VIT: variants seen among roughly 807,000 people sequenced by gnomAD.
VIT encodes the protein vitrin.
Under a neutral mutation model 78.0 loss-of-function variants are expected in VIT, and 99 were observed. The ratio of observed to expected loss-of-function variants is 1.27; its 90% CI spans 1.08 to 1.50. VIT has a LOEUF of 1.50. VIT is among the 40% of genes most tolerant of loss of function. The pLI is 0.00. For missense variants in VIT, 1,126 were observed against 875.3 expected, an observed-to-expected ratio of 1.29 and a Z score of -3.61; for synonymous variants, 374 against 334.3, an observed-to-expected ratio of 1.12 and a Z score of -1.29.
chr2:36,747,520 T>C (rs1022788692), intron 4 of VIT, among the ~76,000 whole-genome samples: 2 of 152,232 alleles, frequency 1.3e-5, no homozygotes, highest in African/African-American at 2.4e-5. Flanking sequence ...TCTTGTTGAA[T>C]TGAACTCTTT....
chr2:36,725,381 G>C (rs1056691367), intron 2 of VIT, among the ~76,000 whole-genome samples: 2 of 152,148 alleles, frequency 1.3e-5, no homozygotes, highest in Non-Finnish European at 2.9e-5. Context: ...GATGGATTCA[G>C]AGTCTGGTCA....
intron 1 of VIT, among the ~76,000 whole-genome samples, chr2:36,706,347 T>C (rs1665418502): frequency 1.3e-5 from 2 of 152,206 alleles, no homozygotes; most frequent in African/African-American, 4.8e-5. Flanking sequence ...AGGGTTTTAA[T>C]TAAAGCTGCA....
At chr2:36,744,788 G>T (rs1203441363) in intron 4 of VIT, among the ~76,000 whole-genome samples, 2 of 151,948 alleles carry the variant, frequency 1.3e-5, no homozygotes, top group South Asian at 4.2e-4. Context: ...CCACTGATAG[G>T]TTCTTTTGCT....
chr2:36,744,561 T>G (rs2148520335), intron 4 of VIT, among the ~76,000 whole-genome samples: 1 of 152,332 alleles, frequency 6.6e-6, no homozygotes, highest in South Asian at 2.1e-4. Context: ...GACTTGCATT[T>G]CTCTGATGAT....
intron 12 of VIT, chr2:36,787,725 G>A (rs1665203749): frequency 4.9e-6 from 2 of 408,450 alleles, no homozygotes; most frequent in Middle Eastern, 7.1e-4. Flanking sequence ...TCCACCTATA[G>A]GTTAGACGCC....
At chr2:36,774,477 G>A (rs1019555128) in intron 8 of VIT, 66 of 983,670 alleles carry the variant, frequency 6.7e-5, no homozygotes, top group Admixed American at 1.2e-4. Context: ...GATAGACTTG[G>A]TGGAAGTATA....
intron 2 of VIT, among the ~76,000 whole-genome samples, chr2:36,726,526 T>G (rs1666856907): frequency 6.6e-6 from 1 of 152,214 alleles, no homozygotes; most frequent in Non-Finnish European, 1.5e-5. Flanking sequence ...AACATTCACT[T>G]TTTAATGAAT....
At chr2:36,794,527 G>A (rs1408988800) in intron 12 of VIT, among the ~76,000 whole-genome samples, 3 of 152,014 alleles carry the variant, frequency 2.0e-5, no homozygotes, top group Non-Finnish European at 4.4e-5. Context: ...GACCTGCCAC[G>A]GACTGCAGAT....
chr2:36,735,217 C>T (rs2148498549), intron 3 of VIT, among the ~76,000 whole-genome samples: 1 of 151,960 alleles, frequency 6.6e-6, no homozygotes, highest in Admixed American at 6.6e-5. Context: ...GGGGGTCTTA[C>T]AAAGAAGAAA....
chr2:36,749,808 G>C (rs1405142523), intron 4 of VIT, among the ~76,000 whole-genome samples: 1 of 152,054 alleles, frequency 6.6e-6, no homozygotes, highest in African/African-American at 2.4e-5. Context: ...TTCCTTTTTT[G>C]CACATAAGTG....
intron 4 of VIT, among the ~76,000 whole-genome samples, chr2:36,745,789 C>T (rs1332863632): frequency 6.6e-6 from 1 of 151,988 alleles, no homozygotes; most frequent in Non-Finnish European, 1.5e-5. Context: ...ATTTAAATTC[C>T]TTTAATGTAT....
At chr2:36,788,285 T>G (rs931923099) in intron 12 of VIT, among the ~76,000 whole-genome samples, 4 of 152,154 alleles carry the variant, frequency 2.6e-5, no homozygotes, top group African/African-American at 4.8e-5. Context: ...ACCCGCGGGG[T>G]CTCCAGCGCC....
intron 3 of VIT, among the ~76,000 whole-genome samples, chr2:36,737,724 C>T (rs1016894454): frequency 6.6e-6 from 1 of 152,150 alleles, no homozygotes; most frequent in Non-Finnish European, 1.5e-5. Context: ...AAGAGAAATA[C>T]GACTCCATGG....
intron 3 of VIT, among the ~76,000 whole-genome samples, chr2:36,730,309 A>G (rs932092129): frequency 6.6e-6 from 1 of 151,846 alleles, no homozygotes; most frequent in Non-Finnish European, 1.5e-5. Context: ...ACAGGGGGAA[A>G]AAAAAGAAAA....
intron 15 of VIT, among the ~76,000 whole-genome samples, chr2:36,810,539 C>G (rs1667081470): frequency 6.6e-6 from 1 of 151,976 alleles, no homozygotes; most frequent in African/African-American, 2.4e-5. Flanking sequence ...AAAAGTAAAC[C>G]AAGTAGTCAA....
At chr2:36,755,121 G>A (rs573845792) in intron 5 of VIT, 67 bp downstream of exon 5, 9 of 1,491,686 alleles carry the variant, frequency 6.0e-6, no homozygotes, top group Non-Finnish European at 8.1e-6. Context: ...TTTTCATTGT[G>A]CTGTTGGTTT....
At chr2:36,743,061 A>T in intron 3 of VIT, 39 bp from the exon 4 acceptor site, 1 of 1,610,560 alleles carries the variant, frequency 6.2e-7, no homozygotes. Flanking sequence ...ATAAACTAAT[A>T]GCACAAGGTG....
chr2:36,745,699 G>A (rs1382490849), intron 4 of VIT, among the ~76,000 whole-genome samples: 1 of 152,174 alleles, frequency 6.6e-6, no homozygotes, highest in Non-Finnish European at 1.5e-5. Flanking sequence ...AGCTCAAGGA[G>A]CCTTTTGGTG....
At chr2:36,773,941 G>A in intron 8 of VIT, 94 bp downstream of exon 8, 1 of 1,325,776 alleles carries the variant, frequency 7.5e-7, no homozygotes. Flanking sequence ...ATTTAGATTT[G>A]GACAAGGACT....
Sources: allele counts gnomAD v4.1 joint callset (sites outside exome capture counted in the v4.1 genomes callset), GRCh38; gene constraint gnomAD v4.1.1; transcripts MANE v1.5; gene names NCBI Gene and HGNC (gene_info 2026-07-23, HGNC 2026-07-21).